The following TUT4 variants were observed in gnomAD, a reference collection of about 807,000 sequenced individuals.
TUT4 encodes terminal uridylyl transferase 4.
Under a neutral mutation model 192.2 loss-of-function variants are expected in TUT4, and 36 were observed. That is an observed-to-expected ratio of 0.19 (90% CI 0.14 to 0.25). The LOEUF (loss-of-function observed/expected upper bound fraction) is 0.25, where lower values mean the gene tolerates loss of function less well. Ranked by LOEUF, TUT4 falls within the 10% of genes least tolerant of loss-of-function variation. TUT4 has a pLI of 1.00. For missense variants in TUT4, 1,493 were observed against 1,957.2 expected (o/e 0.76, Z 4.47); for synonymous variants, 618 against 666.0 (o/e 0.93, Z 1.11).
intron 6 of TUT4, 147 bp from the exon 7 acceptor site, chr1:52,493,809 TTTTG>T: frequency 3.2e-6 from 2 of 622,126 alleles, no homozygotes; most frequent in Non-Finnish European, 5.6e-6. Flanking sequence ...CGTGTTTTTT[TTTTG>T]TTTTTTTTTG....
chr1:52,487,696 A>G (rs1159745286), intron 9 of TUT4, among the ~76,000 whole-genome samples: 1 of 152,080 alleles, frequency 6.6e-6, no homozygotes, highest in Non-Finnish European at 1.5e-5. Flanking sequence ...TGAGCCCAGA[A>G]GTTCAAGGCC....
chr1:52,438,293 C>T lies in TUT4; in HGVS notation c.3865G>A (p.Ala1289Thr). The change falls in exon 25 of 30, where the codon GCT becomes ACT. Residue 1289 changes from alanine (A) to threonine (T), a missense_variant. Physicochemically the swap from Ala to Thr is moderately conservative, Grantham distance 58. Around this residue, in one of 7 missense-constraint regions of TUT4, gnomAD observed 141 missense variants for 382.7 expected, o/e 0.37. Transcript: ENST00000257177. The part of the protein sequence containing the change: ...DSRVLTDGEL[A>T]PNDRCCRVCG... ...ACACGGCAACATCTATCATTGGGAG[C>T]CAGTTCTCCATCTGTTAATACTCTG... 6.2e-7 allele frequency: 1 copy of T among 1,613,748 alleles called. No homozygotes were observed. Among genetic ancestry groups the T allele is most frequent in the East Asian group, 2.2e-5 (1 of 44,828 alleles).
At chr1:52,482,070 AAAAT>A (rs1280479797) in intron 9 of TUT4, 147 bp from the exon 10 acceptor site, 4 of 541,368 alleles carry the variant, frequency 7.4e-6, no homozygotes, top group Non-Finnish European at 1.2e-5. Context: ...TCATCACTCT[AAAAT>A]AACCATTAAA....
intron 15 of TUT4, among the ~76,000 whole-genome samples, chr1:52,466,407 C>G (rs1664145818): frequency 1.3e-5 from 2 of 151,824 alleles, no homozygotes; most frequent in African/African-American, 4.8e-5. Flanking sequence ...TTCTGGGAAG[C>G]TGAGGTGGGT....
intron 11 of TUT4, among the ~76,000 whole-genome samples, chr1:52,480,866 C>G (rs1393630910): frequency 6.6e-6 from 1 of 152,094 alleles, no homozygotes; most frequent in Non-Finnish European, 1.5e-5. Flanking sequence ...TATCAGGAAA[C>G]TACAAATAAT....
At chr1:52,502,230 CA>C (rs1674337343) in intron 4 of TUT4, among the ~76,000 whole-genome samples, 1 of 151,836 alleles carries the variant, frequency 6.6e-6, no homozygotes, top group Non-Finnish European at 1.5e-5. Context: ...TCTCAATTTG[CA>C]TTTCTAGGCC....
intron 2 of TUT4, among the ~76,000 whole-genome samples, chr1:52,524,462 C>T (rs772715819): frequency 4.6e-5 from 7 of 150,970 alleles, no homozygotes; most frequent in Non-Finnish European, 1.0e-4. Flanking sequence ...AGGGGGAGCT[C>T]GCAGTGAGCC....
chr1:52,453,225 C>T (rs1027991747), intron 20 of TUT4, among the ~76,000 whole-genome samples: 1 of 151,506 alleles, frequency 6.6e-6, no homozygotes, highest in Non-Finnish European at 1.5e-5. Flanking sequence ...ACTAAAAATA[C>T]AAAAAAATTA....
chr1:52,525,326 T>G (rs1681456907), intron 2 of TUT4, among the ~76,000 whole-genome samples: 1 of 152,010 alleles, frequency 6.6e-6, no homozygotes, highest in Non-Finnish European at 1.5e-5. Context: ...TAAATTTTTA[T>G]TTGCACAGTC....
At chr1:52,549,174 A>G (rs1444636456) in intron 1 of TUT4, among the ~76,000 whole-genome samples, 1 of 152,218 alleles carries the variant, frequency 6.6e-6, no homozygotes, top group African/African-American at 2.4e-5. Context: ...AGAAAAAAAT[A>G]CAAAACTAGG....
At chr1:52,513,904 T>C (rs1338596432) in intron 3 of TUT4, among the ~76,000 whole-genome samples, 22 of 152,268 alleles carry the variant, frequency 1.4e-4, no homozygotes, top group Non-Finnish European at 2.8e-4. Flanking sequence ...ACCTAGCGCA[T>C]AGGGCTGTTA....
chr1:52,488,806 ATGAT>A (rs1670449926), intron 9 of TUT4, 99 bp downstream of exon 9: 1 of 1,215,202 alleles, frequency 8.2e-7, no homozygotes, highest in East Asian at 2.8e-5. Context: ...CCCACATGTT[ATGAT>A]TGATGTTACA....
At chr1:52,468,865 T>C (rs1162372409) in intron 14 of TUT4, among the ~76,000 whole-genome samples, 1 of 152,242 alleles carries the variant, frequency 6.6e-6, no homozygotes, top group Non-Finnish European at 1.5e-5. Context: ...TAAGTCCATA[T>C]ATTTCTTAAG....
chr1:52,429,997 C>T (rs1410782535), intron 28 of TUT4, among the ~76,000 whole-genome samples: 2 of 151,306 alleles, frequency 1.3e-5, no homozygotes, highest in African/African-American at 4.9e-5. Context: ...AGATTTATAG[C>T]ATGTATCAAC....
intron 7 of TUT4, 70 bp downstream of exon 7, chr1:52,493,541 T>C (rs1485462212): frequency 6.2e-6 from 7 of 1,134,574 alleles, no homozygotes; most frequent in Non-Finnish European, 8.7e-6. Context: ...TAGCCATATA[T>C]AAACAACACA....
intron 12 of TUT4, 135 bp from the exon 13 acceptor site, chr1:52,475,670 C>G (rs1666891941): frequency 4.0e-6 from 3 of 751,030 alleles, no homozygotes; most frequent in Non-Finnish European, 4.1e-6. Flanking sequence ...GCTAGACTCC[C>G]AGTGAAAGTT....
intron 28 of TUT4, 105 bp downstream of exon 28, chr1:52,430,908 C>A: frequency 8.0e-7 from 1 of 1,255,186 alleles, no homozygotes; most frequent in Non-Finnish European, 1.1e-6. Flanking sequence ...CTGTACTGTC[C>A]CCTCCACAAA....
chr1:52,513,058 G>A (rs897736268), intron 3 of TUT4, among the ~76,000 whole-genome samples: 3 of 151,672 alleles, frequency 2.0e-5, no homozygotes, highest in Middle Eastern at 3.4e-3. Context: ...GGGAGGCAGA[G>A]GTTGCAGTGA....
intron 1 of TUT4, among the ~76,000 whole-genome samples, chr1:52,528,040 A>G (rs112426904): frequency 0.17 from 25,581 of 150,936 alleles, 4,588 homozygotes; most frequent in African/African-American, 0.46. Context: ...AGCCGGGTAC[A>G]GTGGTGGGCG....
Sources: gnomAD v4.1 joint callset for allele counts (sites outside exome capture counted in the v4.1 genomes callset) on GRCh38, gnomAD v4.1.1 for gene constraint, gnomAD v4.1.1 regional missense constraint, MANE v1.5 for transcripts, NCBI Gene and HGNC (gene_info 2026-07-23, HGNC 2026-07-21) for gene names.